The following RAP1GDS1 variants were observed in gnomAD, a reference collection of about 807,000 sequenced individuals.
RAP1GDS1 encodes the protein RAP1, GTP-GDP dissociation stimulator 1.
RAP1GDS1 carries 35 observed loss-of-function variants against 71.1 expected under a neutral mutation model. That is an observed-to-expected ratio of 0.49 (90% CI 0.38 to 0.65). The LOEUF is 0.65. RAP1GDS1 is among the 30% of genes least tolerant of loss of function. RAP1GDS1 has a pLI of 0.00. For synonymous variants in RAP1GDS1, 229 were observed against 243.1 expected (o/e 0.94, Z 0.54); for missense variants, 663 against 706.1 (o/e 0.94, Z 0.69).
intron 2 of RAP1GDS1, among the ~76,000 whole-genome samples, chr4:98,337,391 A>G (rs1734859590): frequency 6.6e-6 from 1 of 152,248 alleles, no homozygotes; most frequent in South Asian, 2.1e-4. Flanking sequence ...AGGTCAAAAT[A>G]TAGTCATCAA....
intron 2 of RAP1GDS1, among the ~76,000 whole-genome samples, chr4:98,314,036 C>A (rs752278209): frequency 2.7e-4 from 41 of 151,968 alleles, no homozygotes; most frequent in Non-Finnish European, 4.4e-4. Context: ...TTGTAATTTT[C>A]TTTTCCATGG....
chr4:98,416,077 C>T (rs535909039), intron 7 of RAP1GDS1, among the ~76,000 whole-genome samples: 2 of 152,098 alleles, frequency 1.3e-5, no homozygotes, highest in Admixed American at 6.5e-5. Flanking sequence ...CCACCATGCC[C>T]AGCCCTATTT....
At chr4:98,408,459 C>G (rs141372745) in intron 7 of RAP1GDS1, among the ~76,000 whole-genome samples, 42 of 152,134 alleles carry the variant, frequency 2.8e-4, no homozygotes, top group African/African-American at 1.0e-3. Context: ...TAAAGTATGA[C>G]TGATACAAGA....
intron 5 of RAP1GDS1, among the ~76,000 whole-genome samples, chr4:98,390,197 A>G (rs971954495): frequency 2.0e-5 from 3 of 152,150 alleles, no homozygotes; most frequent in African/African-American, 7.2e-5. Flanking sequence ...GTGCATGATT[A>G]TTACAAATAC....
chr4:98,271,851 A>G (rs533729065), intron 1 of RAP1GDS1, among the ~76,000 whole-genome samples: 1 of 152,330 alleles, frequency 6.6e-6, no homozygotes, highest in Admixed American at 6.5e-5. Flanking sequence ...TTACTAAATC[A>G]AAGAATTAAA....
intron 2 of RAP1GDS1, among the ~76,000 whole-genome samples, chr4:98,320,718 T>A (rs1388651638): frequency 6.6e-6 from 1 of 151,304 alleles, no homozygotes; most frequent in Non-Finnish European, 1.5e-5. Flanking sequence ...GACCTGTCTG[T>A]TAGAAGGAAA....
chr4:98,309,366 T>C (rs1308780829), intron 2 of RAP1GDS1, among the ~76,000 whole-genome samples: 2 of 152,024 alleles, frequency 1.3e-5, no homozygotes, highest in Non-Finnish European at 2.9e-5. Context: ...TATTACACCA[T>C]GGGAATTTGT....
chr4:98,396,835 C>T (rs1744621130), intron 6 of RAP1GDS1: 1 of 152,138 alleles, frequency 6.6e-6, no homozygotes, highest in East Asian at 1.9e-4. Context: ...TCACATACTT[C>T]TGAATATGAC....
chr4:98,421,665 G>A (rs563434060), intron 12 of RAP1GDS1, among the ~76,000 whole-genome samples: 4 of 152,250 alleles, frequency 2.6e-5, no homozygotes, highest in African/African-American at 9.6e-5. Context: ...GCCAGGCATT[G>A]ACCATGCAGC....
chr4:98,306,778 C>A (rs1729387464), intron 2 of RAP1GDS1, among the ~76,000 whole-genome samples: 1 of 152,124 alleles, frequency 6.6e-6, no homozygotes, highest in Admixed American at 6.5e-5. Context: ...AGGGTAGTAT[C>A]ATGCTACTTT....
At position 98,350,794 on chromosome 4, in the gene RAP1GDS1, T is replaced by C. The variant is rs56128838; in HGVS notation, c.236-1682T>C. On this transcript the variant is annotated intron_variant, in intron 3 of 14. Transcript: ENST00000408927. Reference sequence around the variant, plus strand: ...CAGAGGTTGCAGTGAGCCGAGACTGTGCCATTGCACTCCAGCCTGGGTGAC... The same window carrying C: ...CAGAGGTTGCAGTGAGCCGAGACTGCGCCATTGCACTCCAGCCTGGGTGAC... 8.5e-3 allele frequency among the ~76,000 whole-genome samples: 1,294 copies of C among 152,210 alleles called. 17 individuals carry two copies. The highest frequency in any genetic ancestry group is 0.026 in the African/African-American group (1,068 of 41,532).
intron 1 of RAP1GDS1, among the ~76,000 whole-genome samples, chr4:98,267,680 T>G (rs1196522688): frequency 6.6e-6 from 1 of 152,216 alleles, no homozygotes; most frequent in Non-Finnish European, 1.5e-5. Context: ...CATGATTTCA[T>G]TCTTTTTTGT....
intron 6 of RAP1GDS1, among the ~76,000 whole-genome samples, chr4:98,401,546 A>G (rs1396322882): frequency 1.3e-5 from 2 of 152,192 alleles, no homozygotes; most frequent in Non-Finnish European, 2.9e-5. Flanking sequence ...TTTGTGAGGA[A>G]GAAGAAATGG....
intron 11 of RAP1GDS1, among the ~76,000 whole-genome samples, chr4:98,420,754 G>C (rs1578825637): frequency 6.6e-6 from 1 of 152,100 alleles, no homozygotes; most frequent in Non-Finnish European, 1.5e-5. Context: ...AGTTTCGGCA[G>C]GGGGTGTTGT....
chr4:98,278,895 G>A (rs570906483), intron 1 of RAP1GDS1, among the ~76,000 whole-genome samples: 12 of 152,144 alleles, frequency 7.9e-5, no homozygotes, highest in Middle Eastern at 3.4e-3. Flanking sequence ...AGGAAAAATG[G>A]CATTCCATTT....
rs112430829 is a variant in RAP1GDS1, at chr4:98,418,253, C to T, written c.1040-404C>T. On this transcript the variant is annotated intron_variant, in intron 9 of 14. Coordinates refer to ENST00000408927, the MANE Select transcript of RAP1GDS1 (RefSeq NM_001100427.2). ...TAGTGGTTCATTATAATATTCTCTC[C>T]GCTTTGTAAGTGTTTGAAAAATAAT... Among the ~76,000 whole-genome samples the T allele has an allele frequency of 7.9e-3, 1,209 of 152,076 alleles. 16 individuals are homozygous for T. The highest frequency in any genetic ancestry group is 0.027 in the African/African-American group (1,128 of 41,462).
Position 98,277,604 on chromosome 4 carries a change from C to T in RAP1GDS1, c.5-15804C>T, listed in dbSNP as rs576903942. Among the ~76,000 whole-genome samples the T allele has an allele frequency of 3.5e-4, 54 of 152,288 alleles. No individual in the cohort carries two copies. In the South Asian group the frequency reaches 9.5e-3, roughly 27 times the overall value. ...TTTTTCATAGTCTAACTCATTAAGACGGCTTCTGAGTTCTACTGACCTCTC... is the reference window on the plus strand; with the variant it reads ...TTTTTCATAGTCTAACTCATTAAGATGGCTTCTGAGTTCTACTGACCTCTC... On this transcript the variant is annotated intron_variant, in intron 1 of 14. Coordinates refer to ENST00000408927, the MANE Select transcript of RAP1GDS1 (RefSeq NM_001100427.2).
intron 2 of RAP1GDS1, among the ~76,000 whole-genome samples, chr4:98,319,048 C>A (rs1338974187): frequency 6.6e-6 from 1 of 152,060 alleles, no homozygotes; most frequent in African/African-American, 2.4e-5. Flanking sequence ...CTGATAGAAA[C>A]CTAGAATGGA....
chr4:98,434,900 G>A (rs569635242), intron 13 of RAP1GDS1, among the ~76,000 whole-genome samples: 1 of 152,254 alleles, frequency 6.6e-6, no homozygotes, highest in Admixed American at 6.5e-5. Flanking sequence ...GGGATTACAG[G>A]CGTGATCCAC....
Sources: gnomAD v4.1 joint callset for allele counts (sites outside exome capture counted in the v4.1 genomes callset) on GRCh38, gnomAD v4.1.1 for gene constraint, MANE v1.5 for transcripts, NCBI Gene and HGNC (gene_info 2026-07-23, HGNC 2026-07-21) for gene names.